Variants in DMXL2 observed in about 807,000 individuals in gnomAD.
DMXL2 encodes the protein dmX-like protein 2.
In DMXL2, 103 loss-of-function variants were observed where a neutral mutation model predicts 331.1. The observed-to-expected ratio is 0.31, with a 90% CI of 0.27 to 0.37. DMXL2 has a LOEUF of 0.37. Ranked by LOEUF, DMXL2 falls within the 10% of genes least tolerant of loss-of-function variation. DMXL2 has a pLI of 1.00. For synonymous variants in DMXL2, 1,281 were observed against 1,252.1 expected (o/e 1.02, Z -0.49); for missense variants, 3,171 against 3,642.9 (o/e 0.87, Z 3.33).
At chr15:51,610,477 C>T (rs147562006) in intron 1 of DMXL2, among the ~76,000 whole-genome samples, 1 of 152,146 alleles carries the variant, frequency 6.6e-6, no homozygotes, top group Non-Finnish European at 1.5e-5. Flanking sequence ...ACATATGAAA[C>T]ACTTATAAAG....
chr15:51,520,287 T>C (rs1244800667), intron 13 of DMXL2, among the ~76,000 whole-genome samples: 1 of 152,218 alleles, frequency 6.6e-6, no homozygotes, highest in Non-Finnish European at 1.5e-5. Context: ...ACAATCTGGA[T>C]TAAATGTTGC....
intron 1 of DMXL2, among the ~76,000 whole-genome samples, chr15:51,576,675 G>A (rs1300377492): frequency 6.6e-6 from 1 of 152,038 alleles, no homozygotes; most frequent in African/African-American, 2.4e-5. Flanking sequence ...AACAACAAAG[G>A]CAGAATTACA....
chr15:51,531,480 T>C (rs2047999787), intron 13 of DMXL2, among the ~76,000 whole-genome samples: 1 of 152,120 alleles, frequency 6.6e-6, no homozygotes, highest in Non-Finnish European at 1.5e-5. Flanking sequence ...CAGCAAACAT[T>C]TCCTGAGTAA....
intron 7 of DMXL2, among the ~76,000 whole-genome samples, chr15:51,546,723 C>T (rs2048911205): frequency 6.6e-6 from 1 of 151,982 alleles, no homozygotes; most frequent in South Asian, 2.1e-4. Context: ...CTGTTGACAG[C>T]TCTCAGATTT....
rs1249590534 is a variant in DMXL2, at chr15:51,448,043, C to T, written c.*941G>A. On this transcript the variant is annotated 3_prime_UTR_variant, in exon 44 of 44. Transcript: ENST00000560891. ...AATGACAACATTGGCTAATATTTTA[C>T]AAGCAAATATTTAACTCTGCATAGT... 2 of 152,604 alleles carry T rather than the reference C, an allele frequency of 1.3e-5. No individual in the cohort carries two copies. Among genetic ancestry groups the T allele is most frequent in the Non-Finnish European group, 2.9e-5 (2 of 68,026 alleles). The allele number at this position is 152,604 out of a possible 1,614,324, so 9.5% of individuals were successfully genotyped here. A position where few individuals can be genotyped will look rare whatever the true frequency, so the allele number is the denominator to read the frequency against.
chr15:51,475,073 T>C (rs1021283588), intron 27 of DMXL2, among the ~76,000 whole-genome samples: 4 of 152,144 alleles, frequency 2.6e-5, no homozygotes, highest in Admixed American at 2.0e-4. Flanking sequence ...CCTTAACAAG[T>C]GATCAAAGTT....
chr15:51,456,079 G>A lies in DMXL2; in HGVS notation c.8513C>T (p.Ser2838Leu). 6.2e-7 allele frequency: 1 copy of A among 1,614,092 alleles called. No individual in the cohort carries two copies. Reference sequence around the variant, plus strand: ...CCAGAAACTAACCTTGTTGCCTTGTGAATTAAAATATAATCTAGTAACTCT... The same window carrying A: ...CCAGAAACTAACCTTGTTGCCTTGTAAATTAAAATATAATCTAGTAACTCT... Reference protein sequence around the residue: ...NARVTRLYFNSQGNKCGVADG... With the variant: ...NARVTRLYFNLQGNKCGVADG... The change falls in exon 39 of 44, where the codon TCA becomes TTA. Residue 2838 changes from serine (S) to leucine (L), a missense_variant. By Grantham distance (145) the Ser-to-Leu change is moderately radical. Transcript: ENST00000560891.
At chr15:51,496,407 A>G (rs2043183557) in intron 18 of DMXL2, among the ~76,000 whole-genome samples, 2 of 152,200 alleles carry the variant, frequency 1.3e-5, no homozygotes, top group South Asian at 4.1e-4. Flanking sequence ...ATAAGATGAC[A>G]TGCCAGCAGC....
intron 1 of DMXL2, among the ~76,000 whole-genome samples, chr15:51,611,116 T>C (rs1817680672): frequency 6.6e-6 from 1 of 151,722 alleles, no homozygotes; most frequent in South Asian, 2.1e-4. Context: ...AAGGAAATAA[T>C]AAATTAAGAA....
chr15:51,522,274 A>C (rs939334201), intron 13 of DMXL2, among the ~76,000 whole-genome samples: 1 of 152,242 alleles, frequency 6.6e-6, no homozygotes, highest in African/African-American at 2.4e-5. Flanking sequence ...TAATGACTTC[A>C]AGTACTGTCT....
chr15:51,585,551 G>GT (rs1407868987), intron 1 of DMXL2, among the ~76,000 whole-genome samples: 1 of 151,988 alleles, frequency 6.6e-6, no homozygotes, highest in African/African-American at 2.4e-5. Flanking sequence ...TGATATATGC[G>GT]TATGTGTCCA....
At chr15:51,485,610 C>T (rs2042336310) in intron 23 of DMXL2, among the ~76,000 whole-genome samples, 2 of 152,116 alleles carry the variant, frequency 1.3e-5, no homozygotes, top group Admixed American at 6.5e-5. Context: ...TATATTAAAA[C>T]GTATTTAACT....
chr15:51,586,162 C>A (rs1405695607), intron 1 of DMXL2, among the ~76,000 whole-genome samples: 1 of 151,806 alleles, frequency 6.6e-6, no homozygotes, highest in African/African-American at 2.4e-5. Flanking sequence ...AAGCTTACAG[C>A]AAAAAAGTTT....
chr15:51,519,636 G>GTTTTTTTT lies in DMXL2; in HGVS notation c.2437-2477_2437-2470dup, dbSNP rs61062444. 1.5e-3 allele frequency among the ~76,000 whole-genome samples: 126 copies of GTTTTTTTT among 84,870 alleles called. 1 individual carries two copies. The highest frequency in any genetic ancestry group is 1.9e-3 in the Non-Finnish European group (81 of 42,054). 55.7% of individuals were successfully genotyped at this position (84,870 alleles called of 152,430 possible). ...TTCTCTGGTTTTGACAAAGTCTCTT[G>GTTTTTTTT]TTTTTTTTTTTTTTTTTTTTTTTGA... On this transcript the variant is annotated intron_variant, in intron 13 of 43. Transcript: ENST00000560891.
At chr15:51,533,867 G>T (rs1329210365) in intron 13 of DMXL2, among the ~76,000 whole-genome samples, 1 of 152,130 alleles carries the variant, frequency 6.6e-6, no homozygotes, top group Non-Finnish European at 1.5e-5. Context: ...GACTCAGATG[G>T]TGCAGGTATA....
chr15:51,530,281 A>C (rs936890340), intron 13 of DMXL2, among the ~76,000 whole-genome samples: 3 of 152,172 alleles, frequency 2.0e-5, no homozygotes, highest in African/African-American at 7.2e-5. Context: ...GGAAAGGAAG[A>C]AGTCAAATTA....
At chr15:51,568,993 G>A (rs945180324) in intron 2 of DMXL2, among the ~76,000 whole-genome samples, 8 of 152,194 alleles carry the variant, frequency 5.3e-5, no homozygotes, top group Non-Finnish European at 1.0e-4. Context: ...CCTCACATGG[G>A]AAGCACAAGG....
At chr15:51,604,714 A>AT (rs1444833434) in intron 1 of DMXL2, among the ~76,000 whole-genome samples, 2 of 152,078 alleles carry the variant, frequency 1.3e-5, no homozygotes, top group East Asian at 1.9e-4. Context: ...TCCCAGTAGG[A>AT]TTTTTTTTGT....
chr15:51,609,030 A>T (rs776962236), intron 1 of DMXL2, among the ~76,000 whole-genome samples: 8 of 152,228 alleles, frequency 5.3e-5, no homozygotes, highest in Non-Finnish European at 7.3e-5. Context: ...TTAAAAAGCA[A>T]TACAAAAGGT....
Sources: gnomAD v4.1 joint callset for allele counts (sites outside exome capture counted in the v4.1 genomes callset) on GRCh38, gnomAD v4.1.1 for gene constraint, MANE v1.5 for transcripts, NCBI Gene and HGNC (gene_info 2026-07-23, HGNC 2026-07-21) for gene names.